WDPCP: variants seen among roughly 807,000 people sequenced by gnomAD.
WDPCP encodes WD repeat containing planar cell polarity effector.
Under a neutral mutation model 93.1 loss-of-function variants are expected in WDPCP, and 71 were observed. The observed-to-expected ratio is 0.76, with a 90% CI of 0.63 to 0.93. The LOEUF is 0.93. Ranked by LOEUF, WDPCP falls within the 40% of genes least tolerant of loss-of-function variation. The pLI is 0.00. For missense variants in WDPCP, 844 were observed against 887.4 expected, an observed-to-expected ratio of 0.95 and a Z score of 0.62; for synonymous variants, 315 against 315.0, an observed-to-expected ratio of 1.00 and a Z score of 0.00.
At chr2:63,416,744 G>A (rs1472560561) in intron 9 of WDPCP, among the ~76,000 whole-genome samples, 2 of 151,210 alleles carry the variant, frequency 1.3e-5, no homozygotes, top group Non-Finnish European at 1.5e-5. Flanking sequence ...GGCTGGTCTC[G>A]AACTCCTGAC....
chr2:63,823,581 C>G (rs886630699), intron 1 of WDPCP, among the ~76,000 whole-genome samples: 5 of 152,152 alleles, frequency 3.3e-5, no homozygotes, highest in Admixed American at 2.6e-4. Context: ...ATACTAGAAT[C>G]ACTAGAGTAA....
At chr2:63,298,252 C>A (rs2103695412) in intron 13 of WDPCP, among the ~76,000 whole-genome samples, 1 of 152,216 alleles carries the variant, frequency 6.6e-6, no homozygotes, top group Non-Finnish European at 1.5e-5. Context: ...CACCCAGCCA[C>A]ATATCTTTGG....
At chr2:63,568,683 T>C (rs1191182264) in intron 1 of WDPCP, among the ~76,000 whole-genome samples, 1 of 152,228 alleles carries the variant, frequency 6.6e-6, no homozygotes, top group Non-Finnish European at 1.5e-5. Context: ...TTGTCCCGAC[T>C]GGCTAGCAAC....
chr2:63,197,601 T>A, intron 14 of WDPCP, among the ~76,000 whole-genome samples: 1 of 152,248 alleles, frequency 6.6e-6, no homozygotes, highest in East Asian at 1.9e-4. Flanking sequence ...AGAATGAGCA[T>A]GAAGATATGT....
At chr2:63,536,832 C>G (rs1305064528) in intron 1 of WDPCP, among the ~76,000 whole-genome samples, 3 of 123,394 alleles carry the variant, frequency 2.4e-5, no homozygotes, top group Non-Finnish European at 4.7e-5. Flanking sequence ...GTGGCGCGAT[C>G]TTGGCTCACT....
intron 2 of WDPCP, among the ~76,000 whole-genome samples, chr2:63,693,059 T>C (rs1455726420): frequency 6.6e-6 from 1 of 152,190 alleles, no homozygotes; most frequent in East Asian, 1.9e-4. Flanking sequence ...GGAGATTAAA[T>C]AACTAGTTCA....
chr2:63,674,973 C>T (rs1710387810), intron 2 of WDPCP, among the ~76,000 whole-genome samples: 2 of 152,138 alleles, frequency 1.3e-5, no homozygotes, highest in South Asian at 4.2e-4. Flanking sequence ...GAGCAGATGT[C>T]CTGGCATGGG....
chr2:63,589,041 A>G (rs201441090), upstream of WDPCP: 198 of 1,614,208 alleles, frequency 1.2e-4, no homozygotes, highest in African/African-American at 2.4e-4. Flanking sequence ...GCAGTTTTCA[A>G]TCATGGTGAG....
chr2:63,160,859 A>G (rs1156947474), intron 15 of WDPCP, among the ~76,000 whole-genome samples: 1 of 152,228 alleles, frequency 6.6e-6, no homozygotes, highest in Non-Finnish European at 1.5e-5. Context: ...ACTAAAATAC[A>G]TTATATATCT....
intron 2 of WDPCP, among the ~76,000 whole-genome samples, chr2:63,731,210 A>G (rs1014904172): frequency 2.3e-4 from 35 of 151,010 alleles, no homozygotes; most frequent in Non-Finnish European, 4.0e-4. Context: ...CGGAGGTTGC[A>G]GTGAGCTGAG....
intron 2 of WDPCP, among the ~76,000 whole-genome samples, chr2:63,749,244 T>C (rs1186307147): frequency 6.6e-6 from 1 of 152,058 alleles, no homozygotes; most frequent in African/African-American, 2.4e-5. Context: ...CTCTGTGGGC[T>C]CTGTAGATTC....
intron 2 of WDPCP, among the ~76,000 whole-genome samples, chr2:63,697,194 T>A (rs1013290414): frequency 6.6e-6 from 1 of 152,180 alleles, no homozygotes; most frequent in Non-Finnish European, 1.5e-5. Context: ...CCACACTACC[T>A]GCCAGCATTG....
At chr2:63,619,996 A>G (rs1709715036) in intron 3 of WDPCP, among the ~76,000 whole-genome samples, 1 of 152,188 alleles carries the variant, frequency 6.6e-6, no homozygotes, top group South Asian at 2.1e-4. Context: ...CGGCCCAGAT[A>G]CTACGCTTTT....
chr2:63,470,569 C>A (rs1011176581), intron 6 of WDPCP, among the ~76,000 whole-genome samples: 10 of 152,166 alleles, frequency 6.6e-5, no homozygotes, highest in Admixed American at 5.2e-4. Context: ...GTCAAAGCCA[C>A]CATCACACCT....
Position 63,174,808 on chromosome 2 carries a change from C to T in WDPCP, c.1940G>A (p.Gly647Glu). 2 of 1,613,810 alleles carry T rather than the reference C, an allele frequency of 1.2e-6. No individual in the cohort carries two copies. Among genetic ancestry groups the T allele is most frequent in the South Asian group, 1.1e-5 (1 of 91,070 alleles). The change falls in exon 15 of 18, where the codon GGG (glycine) becomes GAG (glutamate). Residue 647 changes from glycine (G) to glutamate (E), a missense_variant. Physicochemically the swap from Gly to Glu is moderately conservative, Grantham distance 98. Coordinates refer to ENST00000272321, the MANE Select transcript of WDPCP (RefSeq NM_015910.7). ...GVELLGPLDR[G>E]DMLNEAFIGL... The stretch of plus-strand genomic sequence containing the variant: ...AATAAATGCTTCATTTAGCATATCC[C>T]CTCTGTCCAAGGGTCCCAGGAGTTC...
chr2:63,620,216 CT>C (rs1709721239), intron 3 of WDPCP, among the ~76,000 whole-genome samples: 1 of 152,200 alleles, frequency 6.6e-6, no homozygotes, highest in African/African-American at 2.4e-5. Flanking sequence ...AGGGAGCCAA[CT>C]GGTCTAGCTC....
intron 2 of WDPCP, among the ~76,000 whole-genome samples, chr2:63,805,937 T>G (rs1432750521): frequency 6.6e-6 from 1 of 152,026 alleles, no homozygotes; most frequent in Non-Finnish European, 1.5e-5. Context: ...CGGGGCAACA[T>G]GGCAAAACCC....
At chr2:63,463,149 CAA>C (rs76868317) in intron 6 of WDPCP, among the ~76,000 whole-genome samples, 9 of 121,458 alleles carry the variant, frequency 7.4e-5, no homozygotes, top group Admixed American at 8.4e-5. Context: ...CTGAAAGAAC[CAA>C]AAAAAAAAAA....
Position 63,588,407 on chromosome 2 carries a change from G to T in WDPCP, c.-136C>A. The T allele has an allele frequency of 9.8e-7, 1 of 1,024,610 alleles. No individual in the cohort carries two copies. The highest frequency in any genetic ancestry group is 1.4e-5 in the South Asian group (1 of 73,554). The allele number at this position is 1,024,610 out of a possible 1,614,324, so 63.5% of individuals were successfully genotyped here. ...CAGTTTCCTCAGGTGCTACAAAGCA[G>T]CCAGGGTGTGCGTGCGCTCCCGCCT... On this transcript the variant is annotated 5_prime_UTR_variant, in exon 1 of 18. It adds an upstream start codon to the 5' untranslated region. Coordinates refer to ENST00000272321, the MANE Select transcript of WDPCP (RefSeq NM_015910.7).
Sources: allele counts gnomAD v4.1 joint callset (sites outside exome capture counted in the v4.1 genomes callset), GRCh38; gene constraint gnomAD v4.1.1; transcripts MANE v1.5; gene names NCBI Gene and HGNC (gene_info 2026-07-23, HGNC 2026-07-21).